Variants in CSPP1 observed in about 807,000 individuals in gnomAD.
CSPP1 encodes the protein centrosome and spindle pole associated protein 1, also known as centrosome and spindle pole-associated protein 1.
In CSPP1, 126 loss-of-function variants were observed where a neutral mutation model predicts 164.4. The observed-to-expected ratio is 0.77, with a 90% CI of 0.66 to 0.89. CSPP1 has a LOEUF of 0.89. Among genes scored for constraint, CSPP1 ranks in the 40% least tolerant of loss-of-function variants. The probability of loss-of-function intolerance (pLI) is 0.00; values close to 1 mark genes in which losing one functional copy is unlikely to be tolerated. For missense variants in CSPP1, 1,395 were observed against 1,449.8 expected (o/e 0.96, Z 0.61); for synonymous variants, 472 against 476.7 (o/e 0.99, Z 0.13).
chr8:67,086,521 A>T (rs990279019), intron 4 of CSPP1, among the ~76,000 whole-genome samples: 1 of 152,108 alleles, frequency 6.6e-6, no homozygotes, highest in Admixed American at 6.5e-5. Context: ...ATAAAATTAC[A>T]TTTAATTATT....
At chr8:67,102,328 C>A (rs1563557979) in intron 7 of CSPP1, among the ~76,000 whole-genome samples, 1 of 152,078 alleles carries the variant, frequency 6.6e-6, no homozygotes, top group Admixed American at 6.5e-5. Flanking sequence ...CGCGGTGGCT[C>A]ATGCTTGTAA....
intron 3 of CSPP1, among the ~76,000 whole-genome samples, chr8:67,082,553 T>C (rs1295677244): frequency 6.6e-6 from 1 of 152,226 alleles, no homozygotes; most frequent in African/African-American, 2.4e-5. Flanking sequence ...AAAGGCCTAT[T>C]ATTATTTCCT....
At chr8:67,147,415 C>T (rs1401498916) in intron 17 of CSPP1, among the ~76,000 whole-genome samples, 2 of 152,082 alleles carry the variant, frequency 1.3e-5, no homozygotes, top group East Asian at 3.9e-4. Context: ...ATGCTTAGGT[C>T]ACTTGTATTA....
chr8:67,140,438 A>G (rs1000014111), intron 17 of CSPP1, among the ~76,000 whole-genome samples: 15 of 152,002 alleles, frequency 9.9e-5, no homozygotes, highest in African/African-American at 3.6e-4. Context: ...TTCCTTTCCT[A>G]TCTTCACCTC....
rs773422166 is a variant in CSPP1 at position 67,113,788 on chromosome 8, AC to A, written c.1188-16del. The A allele has an allele frequency of 2.8e-6, 4 of 1,437,376 alleles. No individual in the cohort carries two copies. In the East Asian group the frequency reaches 9.2e-5, roughly 33 times the overall value. The allele number at this position is 1,437,376 out of a possible 1,614,324, so 89.0% of individuals were successfully genotyped here. The stretch of plus-strand genomic sequence containing the variant: ...TTACTATATCTTTTTAATATGTAAA[AC>A]TTTAATTTTGTTTAGAGAAAAAGAT... On this transcript the variant is annotated splice_polypyrimidine_tract_variant and intron_variant, in intron 10 of 30. Transcript: ENST00000678616.
chr8:67,087,325 T>C (rs571825848), intron 4 of CSPP1, among the ~76,000 whole-genome samples: 3 of 152,216 alleles, frequency 2.0e-5, no homozygotes, highest in Non-Finnish European at 4.4e-5. Flanking sequence ...TTTATGGTTT[T>C]ACAAAACTGG....
At position 67,103,017 on chromosome 8, in the gene CSPP1, TA is replaced by T; in HGVS notation, c.924-18del. ...TCCACTGTATGTGGCACATGCTTTATAAGCTAATGTGTTTTTAAGGATGCAC... is the reference window on the plus strand; with the variant it reads ...TCCACTGTATGTGGCACATGCTTTATAGCTAATGTGTTTTTAAGGATGCAC... On this transcript the variant is annotated intron_variant, in intron 7 of 30. Transcript: ENST00000678616. 1 of 1,458,174 alleles carries T rather than the reference TA, an allele frequency of 6.9e-7. No individual in the cohort carries two copies. Among genetic ancestry groups the T allele is most frequent in the Non-Finnish European group, 9.6e-7 (1 of 1,038,866 alleles). The allele number at this position is 1,458,174 out of a possible 1,614,324, so 90.3% of individuals were successfully genotyped here.
At chr8:67,083,566 TA>T (rs1426616625) in intron 3 of CSPP1, 2 of 142,832 alleles carry the variant, frequency 1.4e-5, no homozygotes, top group Non-Finnish European at 3.0e-5. Flanking sequence ...TATATATATA[TA>T]TATATATGTA....
At chr8:67,192,327 G>C (rs970609665) in intron 29 of CSPP1, among the ~76,000 whole-genome samples, 1 of 152,008 alleles carries the variant, frequency 6.6e-6, no homozygotes, top group Non-Finnish European at 1.5e-5. Flanking sequence ...CACCTGCCTC[G>C]GCCTCCCAGA....
Position 67,118,829 on chromosome 8 carries a change from ATTAG to A in CSPP1, c.1697+12_1697+15del, listed in dbSNP as rs780013436. The A allele has an allele frequency of 8.8e-6, 14 of 1,586,358 alleles. No homozygotes were observed. The highest frequency in any genetic ancestry group is 1.2e-5 in the Non-Finnish European group (14 of 1,155,386). On this transcript the variant is annotated intron_variant, in intron 15 of 30. Transcript: ENST00000678616. Reference sequence around the variant, plus strand: ...ACTAGCACAACCTGTTGTGTAAGTTATTAGTTAAAAGAATAATTTTTTCCCCACT... The same window carrying A: ...ACTAGCACAACCTGTTGTGTAAGTTATTAAAAGAATAATTTTTTCCCCACT...
chr8:67,137,620 G>T lies in CSPP1; in HGVS notation c.1975+17G>T. 6.8e-7 allele frequency: 1 copy of T among 1,473,756 alleles called. No homozygotes were observed. Among genetic ancestry groups the T allele is most frequent in the South Asian group, 1.5e-5 (1 of 67,826 alleles). The allele number at this position is 1,473,756 out of a possible 1,614,324, so 91.3% of individuals were successfully genotyped here. A position where few individuals can be genotyped will look rare whatever the true frequency, so the allele number is the denominator to read the frequency against. On this transcript the variant is annotated intron_variant, in intron 17 of 30. Transcript: ENST00000678616. The stretch of plus-strand genomic sequence containing the variant: ...ATCTGATAAGTACGTTATTTCTACT[G>T]ACTTGTTTTTAAAATAAGCTAAATT...
At chr8:67,107,427 A>G (rs1413269094) in intron 9 of CSPP1, among the ~76,000 whole-genome samples, 1 of 152,220 alleles carries the variant, frequency 6.6e-6, no homozygotes, top group South Asian at 2.1e-4. Flanking sequence ...TTTTATCAAT[A>G]AAAGGATTAT....
intron 24 of CSPP1, among the ~76,000 whole-genome samples, chr8:67,171,383 G>C (rs970785089): frequency 6.6e-6 from 1 of 151,460 alleles, no homozygotes; most frequent in Admixed American, 6.6e-5. Context: ...CCTGGCAAGA[G>C]AGCGAGACTC....
chr8:67,093,249 G>T (rs1811994556), intron 5 of CSPP1, among the ~76,000 whole-genome samples: 1 of 152,172 alleles, frequency 6.6e-6, no homozygotes, highest in Non-Finnish European at 1.5e-5. Context: ...GATGTTTCAT[G>T]AACGAAGCAA....
rs750660079 is a variant in CSPP1 at position 67,095,495 on chromosome 8, G to A, written c.686G>A (p.Arg229Lys). ...QLDDEIELRN[R>K]RIIKKANEEV... ...GATGATGAAATCGAATTAAGGAATA[G>A]AAGAATTATTAAAAAAGCAAATGAA... The change falls in exon 7 of 31, where the codon AGA becomes AAA. Residue 229 changes from arginine (R) to lysine (K), a missense_variant. Coordinates refer to ENST00000678616, the MANE Select transcript of CSPP1 (RefSeq NM_001382391.1). 3.1e-6 allele frequency: 5 copies of A among 1,613,282 alleles called. No individual in the cohort carries two copies. The highest frequency in any genetic ancestry group is 4.2e-6 in the Non-Finnish European group (5 of 1,179,780).
At chr8:67,180,796 A>C (rs1023318454) in intron 28 of CSPP1, among the ~76,000 whole-genome samples, 6 of 152,120 alleles carry the variant, frequency 3.9e-5, no homozygotes, top group Admixed American at 2.0e-4. Context: ...ATTTCAGTCA[A>C]AAAAGTCATA....
At chr8:67,087,713 A>G (rs1350376142) in intron 4 of CSPP1, among the ~76,000 whole-genome samples, 1 of 152,234 alleles carries the variant, frequency 6.6e-6, no homozygotes, top group Non-Finnish European at 1.5e-5. Flanking sequence ...GTAGTAAGAA[A>G]TAATGATGTA....
rs746165769 is a variant in CSPP1, at chr8:67,149,791, A to G, written c.1984A>G (p.Asn662Asp). ...TTATTTTTTCCTCTCAGCTGATTTG[A>G]ATAGGATGCACAGACAAAATATAGA... ...DAKGNLITDL[N>D]RMHRQNIDAY... The change falls in exon 18 of 31, where the codon AAT (asparagine) becomes GAT (aspartate). Residue 662 changes from asparagine to aspartate, a missense_variant. Transcript: ENST00000678616. 2.4e-5 allele frequency: 38 copies of G among 1,558,472 alleles called. No individual in the cohort carries two copies. Among genetic ancestry groups the G allele is most frequent in the African/African-American group, 1.4e-5 (1 of 72,024 alleles).
chr8:67,084,912 G>C (rs1054121911), intron 3 of CSPP1, among the ~76,000 whole-genome samples: 1 of 152,098 alleles, frequency 6.6e-6, no homozygotes, highest in Non-Finnish European at 1.5e-5. Context: ...GGTTTGAAAA[G>C]TATATAATTT....
Sources: gnomAD v4.1 joint callset for allele counts (sites outside exome capture counted in the v4.1 genomes callset) on GRCh38, gnomAD v4.1.1 for gene constraint, MANE v1.5 for transcripts, NCBI Gene and HGNC (gene_info 2026-07-23, HGNC 2026-07-21) for gene names.